The following EYA4 variants were observed in gnomAD, a reference collection of about 807,000 sequenced individuals.
EYA4 encodes protein phosphatase EYA4.
In EYA4, 31 loss-of-function variants were observed where a neutral mutation model predicts 87.9. The ratio of observed to expected loss-of-function variants is 0.35; its 90% CI spans 0.27 to 0.48. EYA4 has a LOEUF of 0.48. Among genes scored for constraint, EYA4 ranks in the 20% least tolerant of loss-of-function variants. The pLI is 0.99. For synonymous variants in EYA4, 263 were observed against 270.6 expected, an observed-to-expected ratio of 0.97 and a Z score of 0.28; for missense variants, 678 against 761.4, an observed-to-expected ratio of 0.89 and a Z score of 1.29.
At chr6:133,369,727 GT>G (rs1272763971) in intron 2 of EYA4, among the ~76,000 whole-genome samples, 1 of 152,158 alleles carries the variant, frequency 6.6e-6, no homozygotes, top group Non-Finnish European at 1.5e-5. Flanking sequence ...CTACAGAAAT[GT>G]TTTGCTTTAA....
At chr6:133,264,105 G>A (rs1776012339) in intron 1 of EYA4, among the ~76,000 whole-genome samples, 1 of 152,224 alleles carries the variant, frequency 6.6e-6, no homozygotes, top group Non-Finnish European at 1.5e-5. Context: ...CAGGTCCCGG[G>A]CTCTGGCTGC....
chr6:133,407,798 C>G (rs1172856848), intron 3 of EYA4, among the ~76,000 whole-genome samples: 1 of 152,066 alleles, frequency 6.6e-6, no homozygotes, highest in African/African-American at 2.4e-5. Context: ...AAAGGTATTT[C>G]TTATTGAAAC....
intron 3 of EYA4, among the ~76,000 whole-genome samples, chr6:133,383,235 A>G (rs1347799085): frequency 2.0e-5 from 3 of 152,224 alleles, no homozygotes; most frequent in Non-Finnish European, 4.4e-5. Context: ...TTTTCTTGGT[A>G]CATGAAAACA....
chr6:133,492,564 G>A (rs1008401167), intron 13 of EYA4, among the ~76,000 whole-genome samples: 29 of 152,168 alleles, frequency 1.9e-4, no homozygotes, highest in Admixed American at 1.8e-3. Flanking sequence ...GATGCCCACT[G>A]TCACCACTGT....
rs749283137 is a variant in EYA4, at chr6:133,468,598, C to G, written c.837C>G (p.Asn279Lys). Reference protein sequence around the residue: ...DYPSYTAFGQNQYAQYYSAST... With the variant: ...DYPSYTAFGQKQYAQYYSAST... ...CATCCTATACAGCCTTTGGCCAAAACCAGTATGCACAGTATTATTCAGCAT... is the reference window on the plus strand; with the variant it reads ...CATCCTATACAGCCTTTGGCCAAAAGCAGTATGCACAGTATTATTCAGCAT... The change falls in exon 11 of 20, where the codon AAC (asparagine) becomes AAG (lysine). Residue 279 changes from asparagine (N) to lysine (K), a missense_variant. Transcript: ENST00000355286. 22 of 1,612,546 alleles carry G rather than the reference C, an allele frequency of 1.4e-5. No homozygotes were observed. In the South Asian group the frequency reaches 2.4e-4, roughly 18 times the overall value.
chr6:133,273,815 T>C (rs1776935898), intron 1 of EYA4, among the ~76,000 whole-genome samples: 1 of 152,146 alleles, frequency 6.6e-6, no homozygotes, highest in Non-Finnish European at 1.5e-5. Context: ...TAAGAGCTCT[T>C]TATATGTTAA....
chr6:133,497,264 T>C (rs1797721420), intron 13 of EYA4, among the ~76,000 whole-genome samples: 1 of 152,182 alleles, frequency 6.6e-6, no homozygotes, highest in Non-Finnish European at 1.5e-5. Flanking sequence ...ATAAAATGTG[T>C]GGACCACAGT....
rs1322753410 is a variant in EYA4 at position 133,274,698 on chromosome 6, T to G, written c.-65-18T>G. The G allele has an allele frequency of 8.7e-7, 1 of 1,154,036 alleles. No individual in the cohort carries two copies. The highest frequency in any genetic ancestry group is 1.3e-6 in the Non-Finnish European group (1 of 762,134). 71.5% of individuals were successfully genotyped at this position (1,154,036 alleles called of 1,614,324 possible). A position where few individuals can be genotyped will look rare whatever the true frequency, so the allele number is the denominator to read the frequency against. ...AAAGATAACATTTTTCCCCTTTGTT[T>G]CCATCTTCTTGTTTTAGATAGTCAT... On this transcript the variant is annotated intron_variant, in intron 1 of 19. Coordinates refer to ENST00000355286, the MANE Select transcript of EYA4 (RefSeq NM_004100.5).
At chr6:133,442,024 T>G (rs980895565) in intron 3 of EYA4, among the ~76,000 whole-genome samples, 4 of 152,014 alleles carry the variant, frequency 2.6e-5, no homozygotes, top group Non-Finnish European at 4.4e-5. Context: ...AATACCTATA[T>G]ATGGCATATA....
chr6:133,389,593 A>G (rs917806540), intron 3 of EYA4, among the ~76,000 whole-genome samples: 1 of 152,182 alleles, frequency 6.6e-6, no homozygotes, highest in African/African-American at 2.4e-5. Context: ...TTTAACCACA[A>G]ATCCCTAGTG....
intron 2 of EYA4, among the ~76,000 whole-genome samples, chr6:133,354,675 C>G (rs961214992): frequency 5.9e-5 from 9 of 151,998 alleles, no homozygotes; most frequent in Non-Finnish European, 1.0e-4. Context: ...TAAGAATTTC[C>G]GTGAAAATTT....
At chr6:133,498,441 A>G (rs190662159) in intron 13 of EYA4, among the ~76,000 whole-genome samples, 13 of 152,366 alleles carry the variant, frequency 8.5e-5, no homozygotes, top group Admixed American at 8.5e-4. Context: ...CACAGAATAA[A>G]CATTCAGTAA....
rs1777976111 is a variant in EYA4, at chr6:133,285,428, G to C, written c.33+10615G>C. Among the ~76,000 whole-genome samples, 2 of 152,186 alleles carry C rather than the reference G, an allele frequency of 1.3e-5. 1 individual carries two copies. The highest frequency in any genetic ancestry group is 1.3e-4 in the Admixed American group (2 of 15,282). On this transcript the variant is annotated intron_variant, in intron 2 of 19. Coordinates refer to ENST00000355286, the MANE Select transcript of EYA4 (RefSeq NM_004100.5). ...GCAGGGTAGGTTCAAGGAATAGAAA[G>C]GATGTCAGCGTTGGTGGTAGTGATG... is the stretch of plus-strand genomic sequence containing the variant.
Position 133,528,882 on chromosome 6 carries a change from C to T in EYA4, c.*77C>T. On this transcript the variant is annotated 3_prime_UTR_variant, in exon 20 of 20. Coordinates refer to ENST00000355286, the MANE Select transcript of EYA4 (RefSeq NM_004100.5). Reference sequence around the variant, plus strand: ...TTTATGTGTGATTCAATGCCTCTGGCTCTACACATATAAATTGTCTTAATG... The same window carrying T: ...TTTATGTGTGATTCAATGCCTCTGGTTCTACACATATAAATTGTCTTAATG... 1 of 1,607,932 alleles carries T rather than the reference C, an allele frequency of 6.2e-7. No homozygotes were observed. Among genetic ancestry groups the T allele is most frequent in the Non-Finnish European group, 8.5e-7 (1 of 1,176,338 alleles).
chr6:133,365,465 C>T (rs969471821), intron 2 of EYA4, among the ~76,000 whole-genome samples: 5 of 152,072 alleles, frequency 3.3e-5, no homozygotes, highest in Admixed American at 2.0e-4. Flanking sequence ...CCAATGCCAT[C>T]GAAAGATTAT....
chr6:133,413,914 A>C (rs78164607), intron 3 of EYA4, among the ~76,000 whole-genome samples: 8,356 of 152,214 alleles, frequency 0.055, 685 homozygotes, highest in African/African-American at 0.17. Flanking sequence ...TTCATCACAG[A>C]AATCTGGATG....
chr6:133,479,792 G>T (rs959217107), intron 11 of EYA4, among the ~76,000 whole-genome samples: 2 of 152,142 alleles, frequency 1.3e-5, no homozygotes, highest in African/African-American at 4.8e-5. Flanking sequence ...TAAAATGCTT[G>T]TACTCATATA....
intron 1 of EYA4, among the ~76,000 whole-genome samples, chr6:133,255,779 G>A (rs1775289575): frequency 6.6e-6 from 1 of 151,848 alleles, no homozygotes; most frequent in South Asian, 2.1e-4. Flanking sequence ...TCTATTTAAT[G>A]TATGCAGATA....
chr6:133,332,967 G>A (rs766444511), intron 2 of EYA4, among the ~76,000 whole-genome samples: 23 of 152,142 alleles, frequency 1.5e-4, no homozygotes, highest in Non-Finnish European at 2.9e-4. Flanking sequence ...TAGCTTAGAT[G>A]TCACTTCCAC....
Sources: allele counts gnomAD v4.1 joint callset (sites outside exome capture counted in the v4.1 genomes callset), GRCh38; gene constraint gnomAD v4.1.1; transcripts MANE v1.5; gene names NCBI Gene and HGNC (gene_info 2026-07-23, HGNC 2026-07-21).